The following TBC1D22A variants were observed in gnomAD, a reference collection of about 807,000 sequenced individuals.
TBC1D22A encodes the protein TBC1 domain family member 22A.
Under a neutral mutation model 60.2 loss-of-function variants are expected in TBC1D22A, and 38 were observed. The observed-to-expected ratio is 0.63, with a 90% confidence interval of 0.49 to 0.83. TBC1D22A has a LOEUF of 0.83. Ranked by LOEUF, TBC1D22A falls within the 40% of genes least tolerant of loss-of-function variation. The probability of loss-of-function intolerance (pLI) is 0.00; values close to 1 mark genes in which losing one functional copy is unlikely to be tolerated. For synonymous variants in TBC1D22A, 302 were observed against 281.7 expected (o/e 1.07, Z -0.72); for missense variants, 628 against 701.0 (o/e 0.90, Z 1.18).
chr22:46,866,453 A>G (rs1395413685), intron 4 of TBC1D22A, among the ~76,000 whole-genome samples: 1 of 152,264 alleles, frequency 6.6e-6, no homozygotes, highest in Non-Finnish European at 1.5e-5. Flanking sequence ...ATCCATCAGC[A>G]TCACACTGAA....
intron 4 of TBC1D22A, among the ~76,000 whole-genome samples, chr22:46,838,421 A>T (rs943569929): frequency 2.6e-5 from 4 of 152,250 alleles, no homozygotes; most frequent in African/African-American, 9.6e-5. Context: ...GTAATCGGAT[A>T]CATCCCAACG....
chr22:47,163,623 AGGAGGGAAGGGCGGT>A (rs2068082300), intron 12 of TBC1D22A, among the ~76,000 whole-genome samples: 1 of 152,180 alleles, frequency 6.6e-6, no homozygotes, highest in African/African-American at 2.4e-5. Flanking sequence ...GGCAGAGGGT[AGGAGGGAAGGGCGGT>A]GGAGGGAAGC....
chr22:47,132,777 G>A lies in TBC1D22A; in HGVS notation c.1425+21174G>A, dbSNP rs562560661. 4.5e-4 allele frequency among the ~76,000 whole-genome samples: 69 copies of A among 152,252 alleles called. 1 individual carries two copies. Among genetic ancestry groups the A allele is most frequent in the South Asian group, 6.2e-4 (3 of 4,834 alleles). Reference sequence around the variant, plus strand: ...GTGCAGGTTCCTGCTCCCACATCACGTTGGCTTGAAGGCGGGCTGTTTGCT... The same window carrying A: ...GTGCAGGTTCCTGCTCCCACATCACATTGGCTTGAAGGCGGGCTGTTTGCT... On this transcript the variant is annotated intron_variant, in intron 12 of 12. Coordinates refer to ENST00000337137, the MANE Select transcript of TBC1D22A (RefSeq NM_014346.5).
chr22:46,949,257 G>A (rs2072748261), intron 8 of TBC1D22A, among the ~76,000 whole-genome samples: 2 of 152,236 alleles, frequency 1.3e-5, no homozygotes, highest in Admixed American at 6.5e-5. Flanking sequence ...CATGACAACA[G>A]CCGGTCACAC....
chr22:46,910,863 G>A (rs142986215), intron 7 of TBC1D22A, among the ~76,000 whole-genome samples: 33 of 149,336 alleles, frequency 2.2e-4, no homozygotes, highest in Admixed American at 1.5e-3. Context: ...GGGTGCGGGC[G>A]TGGCAGGCTT....
intron 7 of TBC1D22A, among the ~76,000 whole-genome samples, chr22:46,904,858 T>C (rs1256722369): frequency 5.3e-5 from 8 of 149,816 alleles, no homozygotes; most frequent in African/African-American, 1.7e-4. Flanking sequence ...CACTGCCAGC[T>C]CCACCTCCCG....
intron 5 of TBC1D22A, 148 bp downstream of exon 5, chr22:46,878,871 C>T (rs1407646654): frequency 5.0e-6 from 3 of 597,334 alleles, no homozygotes; most frequent in Admixed American, 5.9e-5. Context: ...GCTAAGCTGA[C>T]ATTTTCCATT....
At chr22:47,107,216 A>T (rs1215926278) in intron 11 of TBC1D22A, among the ~76,000 whole-genome samples, 1 of 152,184 alleles carries the variant, frequency 6.6e-6, no homozygotes, top group Admixed American at 6.5e-5. Context: ...ATGTAGAGGG[A>T]AGTAGATTAG....
intron 4 of TBC1D22A, among the ~76,000 whole-genome samples, chr22:46,857,522 T>G (rs532226353): frequency 1.3e-5 from 2 of 152,342 alleles, no homozygotes; most frequent in South Asian, 4.1e-4. Flanking sequence ...TACCATACAG[T>G]TCACCATTTA....
intron 8 of TBC1D22A, among the ~76,000 whole-genome samples, chr22:46,953,887 G>T (rs2073048887): frequency 6.6e-6 from 1 of 152,234 alleles, no homozygotes; most frequent in Admixed American, 6.5e-5. Context: ...AGGGAGGCAG[G>T]GAGGGAGGTG....
Position 47,039,935 on chromosome 22 carries a change from C to CTTTTTTT in TBC1D22A, c.1329+2758_1329+2764dup, listed in dbSNP as rs570751261. Reference sequence around the variant, plus strand: ...CAAGGCGTCGGGGAGGTGCCACAGCCTTTTTTTTTTTTTTTTTTTTTTTTT... The same window carrying CTTTTTTT: ...CAAGGCGTCGGGGAGGTGCCACAGCCTTTTTTTTTTTTTTTTTTTTTTTTTTTTTTTT... On this transcript the variant is annotated intron_variant, in intron 11 of 12. Transcript: ENST00000337137. 5.6e-4 allele frequency among the ~76,000 whole-genome samples: 43 copies of CTTTTTTT among 77,288 alleles called. 5 individuals carry two copies. The highest frequency in any genetic ancestry group is 1.9e-3 in the African/African-American group (30 of 15,928). 50.7% of individuals were successfully genotyped at this position (77,288 alleles called of 152,430 possible). A position where few individuals can be genotyped will look rare whatever the true frequency, so the allele number is the denominator to read the frequency against.
Position 46,903,178 on chromosome 22 carries a change from A to C in TBC1D22A, c.900+8332A>C, listed in dbSNP as rs138234882. Among the ~76,000 whole-genome samples, 873 of 152,298 alleles carry C rather than the reference A, an allele frequency of 5.7e-3. 5 individuals are homozygous for C. The highest frequency in any genetic ancestry group is 0.02 in the African/African-American group (831 of 41,568). ...AGCCTCACGCCCTGCAGGGGGTCAC[A>C]GACCTCAGCCTGGTGGGCGTTCGGG... On this transcript the variant is annotated intron_variant, in intron 7 of 12. Coordinates refer to ENST00000337137, the MANE Select transcript of TBC1D22A (RefSeq NM_014346.5).
Position 46,909,005 on chromosome 22 carries a change from G to A in TBC1D22A, c.901-3069G>A, listed in dbSNP as rs77652474. Reference sequence around the variant, plus strand: ...CTGCGCAGATCTCTCCCCTGCAGCAGCCTGTTTCATGGTCCACAGAGCCCG... The same window carrying A: ...CTGCGCAGATCTCTCCCCTGCAGCAACCTGTTTCATGGTCCACAGAGCCCG... On this transcript the variant is annotated intron_variant, in intron 7 of 12. Transcript: ENST00000337137. 7.2e-3 allele frequency among the ~76,000 whole-genome samples: 1,093 copies of A among 152,284 alleles called. 6 individuals carry two copies. The highest frequency in any genetic ancestry group is 0.025 in the African/African-American group (1,041 of 41,562).
intron 12 of TBC1D22A, among the ~76,000 whole-genome samples, chr22:47,125,107 A>G (rs2066408554): frequency 1.3e-5 from 2 of 152,062 alleles, no homozygotes; most frequent in South Asian, 4.1e-4. Flanking sequence ...CCCATGGGGC[A>G]GCGCCCTCCA....
chr22:47,082,771 A>G (rs1425911263), intron 11 of TBC1D22A, among the ~76,000 whole-genome samples: 1 of 152,222 alleles, frequency 6.6e-6, no homozygotes, highest in Non-Finnish European at 1.5e-5. Flanking sequence ...AGCCCCAGGC[A>G]CAGCTGATGG....
At chr22:46,901,525 C>T (rs2068993843) in intron 7 of TBC1D22A, among the ~76,000 whole-genome samples, 1 of 152,208 alleles carries the variant, frequency 6.6e-6, no homozygotes, top group Non-Finnish European at 1.5e-5. Context: ...GTAATTCACA[C>T]ACCAAATGTG....
At chr22:47,029,375 T>C (rs939238138) in intron 10 of TBC1D22A, among the ~76,000 whole-genome samples, 2 of 152,086 alleles carry the variant, frequency 1.3e-5, no homozygotes, top group African/African-American at 2.4e-5. Flanking sequence ...GCCATAGCCA[T>C]GTGTTCGCCA....
intron 12 of TBC1D22A, among the ~76,000 whole-genome samples, chr22:47,117,515 G>A (rs983632752): frequency 1.3e-5 from 1 of 76,752 alleles, no homozygotes; most frequent in Non-Finnish European, 2.6e-5. Context: ...ATCGAGCAGG[G>A]AGAGTCACCC....
At chr22:46,902,450 A>C (rs958250642) in intron 7 of TBC1D22A, among the ~76,000 whole-genome samples, 9 of 152,268 alleles carry the variant, frequency 5.9e-5, no homozygotes, top group African/African-American at 1.9e-4. Flanking sequence ...AATGATATCC[A>C]GTGAGTACTT....
Sources: gnomAD v4.1 joint callset for allele counts (sites outside exome capture counted in the v4.1 genomes callset) on GRCh38, gnomAD v4.1.1 for gene constraint, MANE v1.5 for transcripts, NCBI Gene and HGNC (gene_info 2026-07-23, HGNC 2026-07-21) for gene names.